The following RNASE10 variants were observed in gnomAD, a reference collection of about 807,000 sequenced individuals.
The protein encoded by RNASE10 is inactive ribonuclease-like protein 10.
In RNASE10, 2 loss-of-function variants were observed where a neutral mutation model predicts 1.1. The observed-to-expected ratio is 1.82, with a 90% CI of 0.74 to 5.73. The LOEUF is 5.73. Ranked by LOEUF, RNASE10 falls within the 30% of genes most tolerant of loss-of-function variation. The probability of loss-of-function intolerance (pLI) is 0.05; values close to 1 mark genes in which losing one functional copy is unlikely to be tolerated. For synonymous variants in RNASE10, 97 were observed against 96.2 expected (o/e 1.01, Z -0.05); for missense variants, 276 against 263.4 (o/e 1.05, Z -0.33).
In RNASE10 at chr14:20,510,309, T is replaced by C. The variant is rs577157541; in HGVS notation, c.80-158T>C. On this transcript the variant is annotated intron_variant, in intron 1 of 1. Coordinates refer to ENST00000430083, the Ensembl canonical transcript of RNASE10. ...TAGGGAGGAACAAGAGAAATGGGAA[T>C]GGAAAGAGAAATCGCTGCCTTGAAG... 311 of 1,076,556 alleles carry C rather than the reference T, an allele frequency of 2.9e-4. 3 individuals carry two copies. In the East Asian group the frequency reaches 7.5e-3, roughly 26 times the overall value. The allele number at this position is 1,076,556 out of a possible 1,614,324, so 66.7% of individuals were successfully genotyped here.
intron 1 of RNASE10, among the ~76,000 whole-genome samples, chr14:20,508,629 G>C (rs542826280): frequency 6.6e-6 from 1 of 152,130 alleles, no homozygotes; most frequent in African/African-American, 2.4e-5. Context: ...AAAGTGCTCC[G>C]TTTGAGTGAA....
exon 2 of RNASE10, chr14:20,510,592 C>G (rs764430744): frequency 6.2e-7 from 1 of 1,614,144 alleles, no homozygotes; most frequent in South Asian, 1.1e-5. Context: ...TGATCAACCG[C>G]TCAATGAATT....
At chr14:20,510,381 C>G in intron 1 of RNASE10, 86 bp from the exon 2 acceptor site, 2 of 1,523,732 alleles carry the variant, frequency 1.3e-6, no homozygotes, top group South Asian at 2.6e-5. Flanking sequence ...AGATACAATG[C>G]TGTAGGGCTT....
In RNASE10 at chr14:20,510,459, C is replaced by T; in HGVS notation, c.80-8C>T. 6.2e-7 allele frequency: 1 copy of T among 1,600,802 alleles called. No homozygotes were observed. Among genetic ancestry groups the T allele is most frequent in the Non-Finnish European group, 8.5e-7 (1 of 1,174,786 alleles). On this transcript the variant is annotated splice_polypyrimidine_tract_variant and splice_region_variant and intron_variant, in intron 1 of 1. Transcript: ENST00000430083. ...GTCACGTTCTTCCATTTCCCGCTTC[C>T]TCTCCAGGCAAAATGAAGCTGAATC...
chr14:20,512,485 C>G (rs1396294479), downstream of RNASE10, among the ~76,000 whole-genome samples: 1 of 152,184 alleles, frequency 6.6e-6, no homozygotes, highest in African/African-American at 2.4e-5. Flanking sequence ...ATTATAGACC[C>G]AAGTCAGGGA....
chr14:20,511,478 C>T (rs1171935347), downstream of RNASE10, among the ~76,000 whole-genome samples: 1 of 152,196 alleles, frequency 6.6e-6, no homozygotes, highest in Non-Finnish European at 1.5e-5. Flanking sequence ...ATGTTCTTCC[C>T]TGCTGCCCAC....
downstream of RNASE10, among the ~76,000 whole-genome samples, chr14:20,513,287 T>G (rs1039452519): frequency 9.9e-5 from 15 of 152,158 alleles, no homozygotes; most frequent in Middle Eastern, 3.2e-3. Flanking sequence ...TACAAAATAC[T>G]CCACAGGCGC....
intron 1 of RNASE10, among the ~76,000 whole-genome samples, chr14:20,507,941 GGTTT>G: frequency 6.6e-6 from 1 of 151,852 alleles, no homozygotes; most frequent in East Asian, 1.9e-4. Flanking sequence ...GTAGAGATGG[GGTTT>G]CACCATGTTG....
At chr14:20,510,633 G>A (rs1277771561) in exon 2 of RNASE10, 1 of 1,614,052 alleles carries the variant, frequency 6.2e-7, no homozygotes, top group Non-Finnish European at 8.5e-7. Flanking sequence ...ACAAAGCTGA[G>A]GCCACTGAGG....
At position 20,506,501 on chromosome 14, in the gene RNASE10, C is replaced by T. The variant is rs1306058877; in HGVS notation, c.79+482C>T. ...CCGGGAGGGAGGTGGTGGGGGTCAG[C>T]CCCCCGCCCGGCCAGCCGCCCTATC... is the stretch of plus-strand genomic sequence containing the variant. On this transcript the variant is annotated intron_variant, in intron 1 of 1. Coordinates refer to ENST00000430083, the Ensembl canonical transcript of RNASE10. 2.3e-5 allele frequency among the ~76,000 whole-genome samples: 3 copies of T among 129,210 alleles called. No homozygotes were observed. The South Asian group carries it at 7.7e-4, about 33-fold the overall frequency. 84.8% of individuals were successfully genotyped at this position (129,210 alleles called of 152,430 possible). A position where few individuals can be genotyped will look rare whatever the true frequency, so the allele number is the denominator to read the frequency against.
At chr14:20,506,758 GAGGT>G (rs1882739947) in intron 1 of RNASE10, among the ~76,000 whole-genome samples, 1 of 128,296 alleles carries the variant, frequency 7.8e-6, no homozygotes, top group Non-Finnish European at 1.7e-5. Context: ...GTCCGGGAGG[GAGGT>G]GGGGGGGGTC....
chr14:20,510,463 C>T lies in RNASE10; in HGVS notation c.80-4C>T. The stretch of plus-strand genomic sequence containing the variant: ...CGTTCTTCCATTTCCCGCTTCCTCT[C>T]CAGGCAAAATGAAGCTGAATCTGGT... On this transcript the variant is annotated splice_polypyrimidine_tract_variant and splice_region_variant and intron_variant, in intron 1 of 1. Coordinates refer to ENST00000430083, the Ensembl canonical transcript of RNASE10. 4 of 1,603,004 alleles carry T rather than the reference C, an allele frequency of 2.5e-6. No individual in the cohort carries two copies. The highest frequency in any genetic ancestry group is 3.4e-6 in the Non-Finnish European group (4 of 1,175,646).
At chr14:20,512,602 C>G (rs766644587), downstream of RNASE10, among the ~76,000 whole-genome samples, 2 of 152,248 alleles carry the variant, frequency 1.3e-5, no homozygotes, top group Non-Finnish European at 2.9e-5. Context: ...CCTGTTTTCA[C>G]AGACAGGCAA....
exon 2 of RNASE10, chr14:20,510,592 C>T (rs764430744): frequency 3.7e-6 from 6 of 1,614,026 alleles, no homozygotes; most frequent in Non-Finnish European, 5.1e-6. Flanking sequence ...TGATCAACCG[C>T]TCAATGAATT....
chr14:20,511,040 G>T lies in RNASE10; in HGVS notation c.653G>T (p.Cys218Phe), dbSNP rs141645437. 2.0e-5 allele frequency: 31 copies of T among 1,545,168 alleles called. No homozygotes were observed. The highest frequency in any genetic ancestry group is 1.7e-4 in the Middle Eastern group (1 of 5,760). ...CAACCAGACCAGGTCACTCCTAACTGCAATTACCTAACTTCTGTTATAAAA... is the reference window on the plus strand; with the variant it reads ...CAACCAGACCAGGTCACTCCTAACTTCAATTACCTAACTTCTGTTATAAAA... The change falls in exon 2 of 2, where the codon TGC (cysteine) becomes TTC (phenylalanine). Residue 218 changes from cysteine (C) to phenylalanine (F), a missense_variant. Cys to Phe is a radical substitution (Grantham distance 205, BLOSUM62 -2). Transcript: ENST00000430083.
downstream of RNASE10, among the ~76,000 whole-genome samples, chr14:20,512,732 C>T (rs1363269642): frequency 1.3e-5 from 2 of 152,126 alleles, no homozygotes; most frequent in Non-Finnish European, 2.9e-5. Context: ...TAATAGTGGA[C>T]AGGAGGTATG....
upstream of RNASE10, among the ~76,000 whole-genome samples, chr14:20,505,257 G>GCCCTCTCCCTCTCCCTCTCCCTCTCCC (rs1566535764): frequency 1.0e-5 from 1 of 96,864 alleles, no homozygotes; most frequent in African/African-American, 4.2e-5. Flanking sequence ...GAAAAAGTGA[G>GCCCTCTCCCTCTCCCTCTCCCTCTCCC]TTTGCTCCCT....
downstream of RNASE10, among the ~76,000 whole-genome samples, chr14:20,513,503 C>G (rs1056567089): frequency 2.0e-5 from 3 of 152,172 alleles, 1 homozygote; most frequent in Admixed American, 2.0e-4. Flanking sequence ...TATGACAGAT[C>G]CCAGTCCCTT....
chr14:20,506,491 T>TG (rs1882723677), intron 1 of RNASE10, among the ~76,000 whole-genome samples: 1 of 35,734 alleles, frequency 2.8e-5, no homozygotes, highest in African/African-American at 1.3e-4. Flanking sequence ...AGGGAGGTGG[T>TG]GGGGGTCAGC....
Sources: allele counts gnomAD v4.1 joint callset (sites outside exome capture counted in the v4.1 genomes callset), GRCh38; gene constraint gnomAD v4.1.1; transcripts MANE v1.5; gene names NCBI Gene and HGNC (gene_info 2026-07-23, HGNC 2026-07-21).